DCAF1: variants seen among roughly 807,000 people sequenced by gnomAD.
DCAF1 encodes the protein DDB1- and CUL4-associated factor 1.
Under a neutral mutation model 128.0 loss-of-function variants are expected in DCAF1, and 15 were observed. The observed-to-expected ratio is 0.12, with a 90% CI of 0.08 to 0.18. The LOEUF (loss-of-function observed/expected upper bound fraction) is 0.18, where lower values mean the gene tolerates loss of function less well. Among genes scored for constraint, DCAF1 ranks in the 10% least tolerant of loss-of-function variants. The probability of loss-of-function intolerance (pLI) is 1.00; values close to 1 mark genes in which losing one functional copy is unlikely to be tolerated. For synonymous variants in DCAF1, 610 were observed against 603.0 expected (o/e 1.01, Z -0.17); for missense variants, 988 against 1,649.5 (o/e 0.60, Z 6.95).
At chr3:51,475,883 T>C (rs1441682046) in intron 3 of DCAF1, among the ~76,000 whole-genome samples, 1 of 151,678 alleles carries the variant, frequency 6.6e-6, no homozygotes, top group African/African-American at 2.4e-5. Context: ...AAGGTGGCTT[T>C]TGGAGCCAGA....
At chr3:51,403,461 G>T in intron 23 of DCAF1, 66 bp from the exon 24 acceptor site, 1 of 1,527,334 alleles carries the variant, frequency 6.5e-7, no homozygotes, top group South Asian at 1.2e-5. Flanking sequence ...GCCACATGGC[G>T]GGTCGACCAA....
At chr3:51,423,302 G>A (rs960368597) in intron 13 of DCAF1, among the ~76,000 whole-genome samples, 30 of 151,794 alleles carry the variant, frequency 2.0e-4, no homozygotes, top group African/African-American at 6.1e-4. Flanking sequence ...GACTAGCCTG[G>A]GCAACATGGC....
chr3:51,402,566 A>ATTTTTTTTTTTTTTTT (rs540396047), intron 24 of DCAF1, among the ~76,000 whole-genome samples: 2 of 84,984 alleles, frequency 2.4e-5, no homozygotes, highest in Non-Finnish European at 4.0e-5. Flanking sequence ...CCTACAAAGC[A>ATTTTTTTTTTTTTTTT]TTTTTTTTTT....
At chr3:51,499,514 T>C (rs1454085873) in intron 1 of DCAF1, among the ~76,000 whole-genome samples, 1 of 151,672 alleles carries the variant, frequency 6.6e-6, no homozygotes, top group East Asian at 1.9e-4. Context: ...GAACAGAGAC[T>C]AGGAGGATTG....
chr3:51,445,403 TTAAA>T (rs1476693107), intron 6 of DCAF1, among the ~76,000 whole-genome samples: 4 of 152,216 alleles, frequency 2.6e-5, no homozygotes, highest in Admixed American at 6.6e-5. Flanking sequence ...CGTAGCACAC[TTAAA>T]TAACACTCAA....
At chr3:51,429,578 T>C (rs1700193437) in intron 11 of DCAF1, 108 bp from the exon 12 acceptor site, 3 of 665,122 alleles carry the variant, frequency 4.5e-6, no homozygotes, top group Non-Finnish European at 8.2e-6. Flanking sequence ...TTACTTTCCA[T>C]ACATATTCTG....
At chr3:51,503,309 G>A (rs1553664718), upstream of DCAF1, among the ~76,000 whole-genome samples, 2 of 152,104 alleles carry the variant, frequency 1.3e-5, no homozygotes, top group East Asian at 1.9e-4. Flanking sequence ...CCACCTCCAA[G>A]CACACCCACT....
intron 6 of DCAF1, among the ~76,000 whole-genome samples, chr3:51,459,379 G>A (rs1487263304): frequency 1.3e-5 from 2 of 152,166 alleles, no homozygotes; most frequent in Admixed American, 6.5e-5. Context: ...TCTCTGAACA[G>A]ACCAATAACA....
Position 51,403,192 on chromosome 3 carries a change from C to G in DCAF1, c.4416G>C (p.Glu1472Asp), listed in dbSNP as rs1553625485. The change falls in exon 24 of 25, where the codon GAG (glutamate) becomes GAC (aspartate). Residue 1472 changes from glutamate to aspartate, a missense_variant. By Grantham distance (45) the Glu-to-Asp change is conservative. This residue lies in a region of DCAF1 where 97 missense variants were observed against 134.5 expected (regional missense o/e 0.72). Transcript: ENST00000684031. ...ANLLEEGEDG[E>D]DEDSDADEEV... ...CCTCATCTGCATCAGAGTCTTCATC[C>G]TCCCCGTCCTCTCCCTCCTCTAGAA... The G allele has an allele frequency of 6.2e-7, 1 of 1,613,906 alleles. No homozygotes were observed. The highest frequency in any genetic ancestry group is 1.1e-5 in the South Asian group (1 of 91,068).
intron 2 of DCAF1, among the ~76,000 whole-genome samples, chr3:51,495,666 G>A (rs1708155804): frequency 6.6e-6 from 1 of 152,176 alleles, no homozygotes; most frequent in South Asian, 2.1e-4. Flanking sequence ...ACCTAGGTGG[G>A]CAGATCGCTT....
At chr3:51,454,354 T>C (rs1034675589) in intron 6 of DCAF1, among the ~76,000 whole-genome samples, 4 of 151,932 alleles carry the variant, frequency 2.6e-5, no homozygotes, top group African/African-American at 4.8e-5. Flanking sequence ...TGGCCCTAAT[T>C]TTTCTCTTTT....
intron 9 of DCAF1, among the ~76,000 whole-genome samples, chr3:51,433,618 C>T (rs904972333): frequency 6.6e-6 from 1 of 151,466 alleles, no homozygotes; most frequent in Non-Finnish European, 1.5e-5. Flanking sequence ...CCCGCCACCA[C>T]GTCCAGCTAA....
At chr3:51,412,109 TAAAAAAAAAAAAAAA>T (rs782087400) in intron 23 of DCAF1, among the ~76,000 whole-genome samples, 8 of 29,460 alleles carry the variant, frequency 2.7e-4, no homozygotes, top group Non-Finnish European at 4.7e-4. Context: ...AACTCCATTC[TAAAAAAAAAAAAAAA>T]AAAAAAAAAA....
At chr3:51,445,318 T>C (rs1263275065) in intron 6 of DCAF1, among the ~76,000 whole-genome samples, 2 of 152,214 alleles carry the variant, frequency 1.3e-5, no homozygotes, top group Non-Finnish European at 2.9e-5. Context: ...ACTACATAAA[T>C]TGTGATAGTG....
In DCAF1 at chr3:51,486,080, C is replaced by T. The variant is rs143590213; in HGVS notation, c.-8-2244G>A. On this transcript the variant is annotated intron_variant, in intron 2 of 24. Coordinates refer to ENST00000684031, the MANE Select transcript of DCAF1 (RefSeq NM_001387579.1). The stretch of plus-strand genomic sequence containing the variant: ...AAATTTTTTGTATTTTTAGGAGAGA[C>T]GGGCTTTCACCGTGTTAGCCAGGAT... 5.9e-5 allele frequency among the ~76,000 whole-genome samples: 9 copies of T among 151,754 alleles called. No homozygotes were observed. In the East Asian group the frequency reaches 1.6e-3, roughly 26 times the overall value.
At chr3:51,476,496 T>C (rs988468940) in intron 3 of DCAF1, among the ~76,000 whole-genome samples, 15 of 140,908 alleles carry the variant, frequency 1.1e-4, no homozygotes, top group Non-Finnish European at 1.6e-4. Context: ...AGTTCTACTA[T>C]AACTTGATCT....
At chr3:51,451,839 G>T (rs1553641596) in intron 6 of DCAF1, among the ~76,000 whole-genome samples, 1 of 151,424 alleles carries the variant, frequency 6.6e-6, no homozygotes, top group African/African-American at 2.4e-5. Context: ...TAAAAACAGT[G>T]GCGGAATAAA....
At chr3:51,487,811 G>C (rs1469794730) in intron 2 of DCAF1, among the ~76,000 whole-genome samples, 4 of 151,702 alleles carry the variant, frequency 2.6e-5, no homozygotes, top group African/African-American at 9.7e-5. Flanking sequence ...AAAGTGCTAG[G>C]ATTACAGGGA....
At chr3:51,417,544 C>A (rs569929888) in intron 17 of DCAF1, among the ~76,000 whole-genome samples, 2 of 152,124 alleles carry the variant, frequency 1.3e-5, no homozygotes, top group Admixed American at 6.5e-5. Flanking sequence ...CACAGTGAAA[C>A]GCTGTCTCTA....
Sources: allele counts gnomAD v4.1 joint callset (sites outside exome capture counted in the v4.1 genomes callset), GRCh38; gene constraint gnomAD v4.1.1; regional missense constraint gnomAD v4.1.1; transcripts MANE v1.5; gene names NCBI Gene and HGNC (gene_info 2026-07-23, HGNC 2026-07-21).